Variants in RASA2 observed in about 807,000 individuals in gnomAD.
RASA2 encodes the protein RAS p21 protein activator 2.
In RASA2, 155 loss-of-function variants were observed where a neutral mutation model predicts 118.2. The ratio of observed to expected loss-of-function variants is 1.31; its 90% CI spans 1.15 to 1.50. The LOEUF is 1.50. Among genes scored for constraint, RASA2 ranks in the 40% most tolerant of loss-of-function variants. RASA2 has a pLI of 0.00. For synonymous variants in RASA2, 353 were observed against 349.1 expected, an observed-to-expected ratio of 1.01 and a Z score of -0.12; for missense variants, 1,016 against 1,009.6, an observed-to-expected ratio of 1.01 and a Z score of -0.09.
Position 141,610,066 on chromosome 3 carries a change from A to G in RASA2, c.2519A>G (p.Lys840Arg), listed in dbSNP as rs1247150575. Residue 840 changes from lysine (K) to arginine (R), a missense_variant and splice_region_variant, in exon 23 of 24, where the codon AAG becomes AGG. Around this residue, in one of 2 missense-constraint regions of RASA2, gnomAD observed 120 missense variants for 173.2 expected, o/e 0.69. Coordinates refer to ENST00000286364, the MANE Select transcript of RASA2 (RefSeq NM_006506.5). ...TCCAGTAGTGCAAAATATGGGAGCA[A>G]GTGAGTAATTTTTAAGCTATTGTAA... ...KRSSSAKYGS[K>R]ENPIVGKAS The G allele has an allele frequency of 2.5e-6, 4 of 1,569,560 alleles. No homozygotes were observed. Among genetic ancestry groups the G allele is most frequent in the Middle Eastern group, 1.8e-4 (1 of 5,714 alleles).
At chr3:141,535,132 C>T (rs1198816035) in intron 4 of RASA2, among the ~76,000 whole-genome samples, 2 of 152,142 alleles carry the variant, frequency 1.3e-5, no homozygotes, top group East Asian at 3.8e-4. Flanking sequence ...ATCATATGCT[C>T]ACCTCATTTC....
At chr3:141,505,647 T>C (rs1395846898) in intron 1 of RASA2, among the ~76,000 whole-genome samples, 1 of 151,914 alleles carries the variant, frequency 6.6e-6, no homozygotes, top group Non-Finnish European at 1.5e-5. Context: ...GGATGGAGGG[T>C]TTTTGTGCCA....
chr3:141,594,883 T>C (rs1035653636), intron 19 of RASA2, among the ~76,000 whole-genome samples: 1 of 151,856 alleles, frequency 6.6e-6, no homozygotes, highest in Non-Finnish European at 1.5e-5. Context: ...GTTTTTTTTT[T>C]CTCCATTTCT....
chr3:141,532,457 C>T (rs924566529), intron 4 of RASA2, among the ~76,000 whole-genome samples: 2 of 152,138 alleles, frequency 1.3e-5, no homozygotes, highest in African/African-American at 4.8e-5. Flanking sequence ...AGGAACTTTA[C>T]ATTGCCAGTG....
intron 5 of RASA2, among the ~76,000 whole-genome samples, chr3:141,550,719 G>C (rs2082561323): frequency 6.6e-6 from 1 of 152,160 alleles, no homozygotes; most frequent in Non-Finnish European, 1.5e-5. Flanking sequence ...GAATCACATT[G>C]CAAACTTAAC....
intron 1 of RASA2, among the ~76,000 whole-genome samples, chr3:141,494,766 G>A (rs754751993): frequency 7.9e-5 from 12 of 152,050 alleles, no homozygotes; most frequent in Non-Finnish European, 1.5e-4. Context: ...ATGTGAACTG[G>A]TCTATTTCTT....
intron 19 of RASA2, among the ~76,000 whole-genome samples, chr3:141,589,656 C>T (rs1288925772): frequency 7.9e-5 from 12 of 152,060 alleles, no homozygotes; most frequent in East Asian, 1.9e-4. Flanking sequence ...TCCTGGCCAA[C>T]GCGGTGAAAC....
chr3:141,516,886 GTC>G (rs2082035840), intron 3 of RASA2, among the ~76,000 whole-genome samples: 1 of 151,922 alleles, frequency 6.6e-6, no homozygotes, highest in African/African-American at 2.4e-5. Context: ...GATTTCTCCT[GTC>G]TCAGCCTCCT....
intron 19 of RASA2, among the ~76,000 whole-genome samples, chr3:141,595,844 G>C (rs1273171387): frequency 6.6e-6 from 1 of 151,964 alleles, no homozygotes; most frequent in Non-Finnish European, 1.5e-5. Flanking sequence ...GCCCAGGGTG[G>C]TCTCAAACTC....
chr3:141,540,529 A>T lies in RASA2; in HGVS notation c.451-4A>T. ...CTCAGTTTGTAATCTTTTTGTCATT[A>T]TAGGGTAAAGTTCACCTTGAATTAA... is the stretch of plus-strand genomic sequence containing the variant. On this transcript the variant is annotated splice_region_variant and splice_polypyrimidine_tract_variant and intron_variant, in intron 4 of 23. Transcript: ENST00000286364. The T allele has an allele frequency of 6.2e-7, 1 of 1,604,568 alleles. No homozygotes were observed. Among genetic ancestry groups the T allele is most frequent in the African/African-American group, 1.3e-5 (1 of 74,776 alleles).
chr3:141,582,991 A>G (rs1288006684), intron 17 of RASA2, among the ~76,000 whole-genome samples: 2 of 152,226 alleles, frequency 1.3e-5, no homozygotes, highest in Non-Finnish European at 1.5e-5. Flanking sequence ...TTATTCTGGG[A>G]TGATAGGAAT....
intron 1 of RASA2, among the ~76,000 whole-genome samples, chr3:141,507,221 G>T (rs529158072): frequency 1.3e-5 from 2 of 152,110 alleles, no homozygotes; most frequent in Admixed American, 6.5e-5. Flanking sequence ...ACGTGTAGCC[G>T]GTGGATTTAC....
intron 18 of RASA2, 83 bp from the exon 19 acceptor site, chr3:141,586,563 C>T (rs1018408589): frequency 1.1e-6 from 1 of 870,862 alleles, no homozygotes; most frequent in African/African-American, 1.7e-5. Context: ...CTATTCATGT[C>T]ATTTAAAGTT....
At chr3:141,535,763 T>A (rs1472860072) in intron 4 of RASA2, among the ~76,000 whole-genome samples, 1 of 152,076 alleles carries the variant, frequency 6.6e-6, no homozygotes, top group African/African-American at 2.4e-5. Flanking sequence ...TCACATGAAC[T>A]AACTAAGCAA....
intron 1 of RASA2, among the ~76,000 whole-genome samples, chr3:141,511,753 G>GT (rs937319150): frequency 6.6e-6 from 1 of 152,060 alleles, no homozygotes; most frequent in African/African-American, 2.4e-5. Flanking sequence ...CTTTTTGTGT[G>GT]TTTTTTTAAG....
rs117897395 is a variant in RASA2, at chr3:141,554,089, T to C, written c.611+149T>C. 1.5e-3 allele frequency: 2,039 copies of C among 1,360,268 alleles called. 20 individuals carry two copies. The East Asian group carries it at 0.021, about 14-fold the overall frequency. The allele number at this position is 1,360,268 out of a possible 1,614,324, so 84.3% of individuals were successfully genotyped here. On this transcript the variant is annotated intron_variant, in intron 6 of 23. Coordinates refer to ENST00000286364, the MANE Select transcript of RASA2 (RefSeq NM_006506.5). ...AAAGAAAAATCTTTAGTGAGTTCTA[T>C]TATACACTTGTCAATAACAAAGCCC...
intron 19 of RASA2, among the ~76,000 whole-genome samples, chr3:141,591,384 C>T (rs532925992): frequency 2.6e-5 from 4 of 152,216 alleles, no homozygotes; most frequent in African/African-American, 9.6e-5. Flanking sequence ...ATATGGCTAC[C>T]TCAGTGTAGC....
At chr3:141,553,531 A>G (rs2082604133) in intron 5 of RASA2, among the ~76,000 whole-genome samples, 1 of 152,118 alleles carries the variant, frequency 6.6e-6, no homozygotes, top group Non-Finnish European at 1.5e-5. Context: ...TTGGAGCATC[A>G]TGTCAGTGCT....
In RASA2 at chr3:141,580,415, A is replaced by T; in HGVS notation, c.1638A>T (p.Gln546His). ...TAACTCTCATCTCAAAAACTATACA[A>T]ACTTTGGGAAGCTGGGGGAGTCTGT... ...RTLTLISKTI[Q>H]TLGSWGSLSK... is the part of the protein sequence containing the mutation. Residue 546 changes from glutamine (Q) to histidine (H), a missense_variant, in exon 16 of 24, where the codon CAA becomes CAT. Physicochemically the swap from Gln to His is conservative, Grantham distance 24. Transcript: ENST00000286364. 1.2e-6 allele frequency: 2 copies of T among 1,609,980 alleles called. No homozygotes were observed. The highest frequency in any genetic ancestry group is 1.7e-6 in the Non-Finnish European group (2 of 1,177,248).
Sources: gnomAD v4.1 joint callset for allele counts (sites outside exome capture counted in the v4.1 genomes callset) on GRCh38, gnomAD v4.1.1 for gene constraint, gnomAD v4.1.1 regional missense constraint, MANE v1.5 for transcripts, NCBI Gene and HGNC (gene_info 2026-07-23, HGNC 2026-07-21) for gene names.